TAFA1: variants seen among roughly 807,000 people sequenced by gnomAD.
TAFA1 encodes chemokine-like protein TAFA-1.
TAFA1 carries 4 observed loss-of-function variants against 18.5 expected under a neutral mutation model. The ratio of observed to expected loss-of-function variants is 0.22; its 90% CI spans 0.11 to 0.49. TAFA1 has a LOEUF of 0.49. Among genes scored for constraint, TAFA1 ranks in the 20% least tolerant of loss-of-function variants. The pLI is 0.98. For synonymous variants in TAFA1, 56 were observed against 55.2 expected, an observed-to-expected ratio of 1.01 and a Z score of -0.06; for missense variants, 147 against 169.0, an observed-to-expected ratio of 0.87 and a Z score of 0.72.
chr3:68,161,719 C>A (rs1181755702), intron 2 of TAFA1, among the ~76,000 whole-genome samples: 1 of 152,126 alleles, frequency 6.6e-6, no homozygotes, highest in South Asian at 2.1e-4. Context: ...CAGACTCAAA[C>A]CCCATTTTGT....
chr3:68,313,823 T>A (rs548713547), intron 2 of TAFA1, among the ~76,000 whole-genome samples: 1 of 152,346 alleles, frequency 6.6e-6, no homozygotes. Flanking sequence ...TGCCTCACTC[T>A]CAGGCCCTGG....
intron 2 of TAFA1, among the ~76,000 whole-genome samples, chr3:68,082,833 T>C (rs1374091522): frequency 6.6e-6 from 1 of 152,158 alleles, no homozygotes; most frequent in Non-Finnish European, 1.5e-5. Context: ...TAAGACTAAA[T>C]GGAAGGAAGT....
At chr3:68,334,354 T>TTTG (rs146423738) in intron 2 of TAFA1, among the ~76,000 whole-genome samples, 1,622 of 150,262 alleles carry the variant, frequency 0.011, 5 homozygotes, top group Non-Finnish European at 0.018. Flanking sequence ...CTATATTTCT[T>TTTG]TTGTTGTTGT....
intron 2 of TAFA1, among the ~76,000 whole-genome samples, chr3:68,159,975 A>G (rs1444396306): frequency 1.3e-5 from 2 of 152,228 alleles, no homozygotes; most frequent in Non-Finnish European, 2.9e-5. Context: ...ACTTTTCTTT[A>G]TACCAGACCT....
intron 3 of TAFA1, among the ~76,000 whole-genome samples, chr3:68,502,774 G>A (rs975330669): frequency 6.6e-6 from 1 of 152,020 alleles, no homozygotes; most frequent in South Asian, 2.1e-4. Flanking sequence ...ATCTATAACA[G>A]TTTTGACCAG....
At chr3:68,193,170 C>A (rs991506363) in intron 2 of TAFA1, among the ~76,000 whole-genome samples, 1 of 151,546 alleles carries the variant, frequency 6.6e-6, no homozygotes, top group East Asian at 1.9e-4. Context: ...GTTGGGATAG[C>A]AGAAAAGTTG....
chr3:68,196,707 C>G (rs963698554), intron 2 of TAFA1, among the ~76,000 whole-genome samples: 2 of 151,702 alleles, frequency 1.3e-5, no homozygotes, highest in Non-Finnish European at 3.0e-5. Context: ...CTGCCCCTGT[C>G]CATCTCACAG....
intron 3 of TAFA1, among the ~76,000 whole-genome samples, chr3:68,514,299 T>A (rs959226462): frequency 6.6e-6 from 1 of 152,202 alleles, no homozygotes; most frequent in Non-Finnish European, 1.5e-5. Flanking sequence ...AAAATATTTT[T>A]AAATGTGGTC....
At chr3:68,215,942 CTG>C (rs2066651555) in intron 2 of TAFA1, among the ~76,000 whole-genome samples, 3 of 151,976 alleles carry the variant, frequency 2.0e-5, no homozygotes, top group Non-Finnish European at 4.4e-5. Context: ...GATAAACAAA[CTG>C]TGGTACACTC....
At chr3:68,351,029 G>A (rs968921270) in intron 2 of TAFA1, among the ~76,000 whole-genome samples, 15 of 152,078 alleles carry the variant, frequency 9.9e-5, no homozygotes, top group East Asian at 3.9e-4. Flanking sequence ...GTAGAGTGGG[G>A]CTTCCCACCT....
chr3:68,351,166 G>A (rs1417198724), intron 2 of TAFA1, among the ~76,000 whole-genome samples: 1 of 152,072 alleles, frequency 6.6e-6, no homozygotes, highest in South Asian at 2.1e-4. Flanking sequence ...AATTCCTTGG[G>A]TGTTTCTAAT....
intron 2 of TAFA1, among the ~76,000 whole-genome samples, chr3:68,212,700 C>A (rs559086701): frequency 6.6e-6 from 1 of 152,016 alleles, no homozygotes; most frequent in Non-Finnish European, 1.5e-5. Flanking sequence ...GTTATCCATA[C>A]AATATGCCAA....
At chr3:68,402,066 A>G (rs978808813) in intron 2 of TAFA1, among the ~76,000 whole-genome samples, 1 of 152,216 alleles carries the variant, frequency 6.6e-6, no homozygotes, top group African/African-American at 2.4e-5. Context: ...TGGCATGTCA[A>G]GAATTTAGCC....
intron 2 of TAFA1, among the ~76,000 whole-genome samples, chr3:68,359,209 T>A (rs2069424229): frequency 6.6e-6 from 1 of 151,988 alleles, no homozygotes; most frequent in South Asian, 2.1e-4. Context: ...TGGCAAAAGG[T>A]CAATATTCTT....
chr3:68,094,506 A>T (rs2065064881), intron 2 of TAFA1, among the ~76,000 whole-genome samples: 1 of 152,180 alleles, frequency 6.6e-6, no homozygotes, highest in African/African-American at 2.4e-5. Flanking sequence ...TATGACAAAT[A>T]TTAAGAAAGT....
intron 2 of TAFA1, among the ~76,000 whole-genome samples, chr3:68,332,643 A>G (rs7622986): frequency 0.97 from 148,088 of 152,324 alleles, 72,119 homozygotes; most frequent in Middle Eastern, 1. Flanking sequence ...ATATTAAATG[A>G]AGGAGACCAA....
At chr3:68,379,549 A>G (rs544897009) in intron 2 of TAFA1, among the ~76,000 whole-genome samples, 1 of 152,240 alleles carries the variant, frequency 6.6e-6, no homozygotes, top group Admixed American at 6.5e-5. Context: ...TTTGGCATCT[A>G]CATCATGAAA....
At chr3:68,379,923 C>G (rs750274743) in intron 2 of TAFA1, among the ~76,000 whole-genome samples, 6 of 151,906 alleles carry the variant, frequency 3.9e-5, no homozygotes, top group Non-Finnish European at 7.4e-5. Context: ...CCCTTCCCCC[C>G]ACCCCACAAC....
At chr3:68,039,600 T>G (rs1705122536) in intron 2 of TAFA1, among the ~76,000 whole-genome samples, 1 of 152,232 alleles carries the variant, frequency 6.6e-6, no homozygotes, top group Non-Finnish European at 1.5e-5. Context: ...TCTCCTATGA[T>G]AGACAATCTC....
Sources: allele counts gnomAD v4.1 joint callset (sites outside exome capture counted in the v4.1 genomes callset), GRCh38; gene constraint gnomAD v4.1.1; transcripts MANE v1.5; gene names NCBI Gene and HGNC (gene_info 2026-07-23, HGNC 2026-07-21).